Variants in DNAH5 observed in about 807,000 individuals in gnomAD.
DNAH5 encodes dynein axonemal heavy chain 5.
Under a neutral mutation model 518.2 loss-of-function variants are expected in DNAH5, and 372 were observed. The ratio of observed to expected loss-of-function variants is 0.72; its 90% CI spans 0.66 to 0.78. DNAH5 has a LOEUF of 0.78. DNAH5 is among the 30% of genes least tolerant of loss of function. The pLI is 0.00. For synonymous variants in DNAH5, 2,039 were observed against 2,025.9 expected, an observed-to-expected ratio of 1.01 and a Z score of -0.17; for missense variants, 5,523 against 5,687.0, an observed-to-expected ratio of 0.97 and a Z score of 0.93.
rs1361727104 is a variant in DNAH5, at chr5:13,824,247, C to G, written c.6531G>C (p.Glu2177Asp). ...GTAGTACACGCATGACAATCGTGGA[C>G]TCCGTATCCATTGGATTGGCTCTTT... ...AAKRANPMDTESTIVMRVLRD... is the reference protein window; with the variant it reads ...AAKRANPMDTDSTIVMRVLRD... The change falls in exon 39 of 79, where the codon GAG (glutamate) becomes GAC (aspartate). Residue 2177 changes from glutamate (E) to aspartate (D), a missense_variant. Physicochemically the swap from Glu to Asp is conservative, Grantham distance 45. Transcript: ENST00000265104. The G allele has an allele frequency of 4.3e-6, 7 of 1,614,084 alleles. No homozygotes were observed. The highest frequency in any genetic ancestry group is 5.9e-6 in the Non-Finnish European group (7 of 1,179,982).
Position 13,791,933 on chromosome 5 carries a change from A to C in DNAH5, c.8448+61T>G, listed in dbSNP as rs865885190. Reference sequence around the variant, plus strand: ...TCAAGTAAAAAATAAATCAATAAAAATATTTAGAATATATCATTAATAGCA... The same window carrying C: ...TCAAGTAAAAAATAAATCAATAAAACTATTTAGAATATATCATTAATAGCA... On this transcript the variant is annotated intron_variant, in intron 50 of 78. Coordinates refer to ENST00000265104, the MANE Select transcript of DNAH5 (RefSeq NM_001369.3). 2.9e-6 allele frequency: 4 copies of C among 1,370,138 alleles called. No homozygotes were observed. In the South Asian group the frequency reaches 5.2e-5, roughly 18 times the overall value. 84.9% of individuals were successfully genotyped at this position (1,370,138 alleles called of 1,614,324 possible). A position where few individuals can be genotyped will look rare whatever the true frequency, so the allele number is the denominator to read the frequency against.
At chr5:13,963,006 C>T (rs1305850507) in intron 1 of DNAH5, among the ~76,000 whole-genome samples, 3 of 152,116 alleles carry the variant, frequency 2.0e-5, no homozygotes, top group African/African-American at 7.2e-5. Flanking sequence ...GGAGCATCTC[C>T]CTGCCCAAGT....
At chr5:13,824,875 C>A (rs1050230646) in intron 38 of DNAH5, among the ~76,000 whole-genome samples, 1 of 152,114 alleles carries the variant, frequency 6.6e-6, no homozygotes. Context: ...CTTTGTCATT[C>A]CCTTACTAAA....
chr5:13,955,049 C>T (rs1222231555), intron 1 of DNAH5, among the ~76,000 whole-genome samples: 6 of 152,220 alleles, frequency 3.9e-5, no homozygotes, highest in African/African-American at 1.4e-4. Flanking sequence ...ACCCAAATCT[C>T]ATGTGGAACT....
chr5:13,857,782 A>G (rs1262593112), intron 30 of DNAH5, among the ~76,000 whole-genome samples: 2 of 152,198 alleles, frequency 1.3e-5, no homozygotes, highest in Non-Finnish European at 1.5e-5. Context: ...TATTTATTAA[A>G]TGATGTTGGG....
chr5:13,777,147 T>G, intron 54 of DNAH5, 55 bp downstream of exon 54: 1 of 1,550,492 alleles, frequency 6.4e-7, no homozygotes, highest in Non-Finnish European at 8.9e-7. Flanking sequence ...TGTAGAGCTC[T>G]AAGCTGGAGG....
In DNAH5 at chr5:13,811,825, T is replaced by C; in HGVS notation, c.7231-2A>G. On this transcript the variant is annotated splice_acceptor_variant, in intron 43 of 78. Transcript: ENST00000265104. LOFTEE classifies it high-confidence loss of function. Reference sequence around the variant, plus strand: ...AGGTGAGCGTTTCTTAAGAAAACCCTGTCAGTTCACAGACAAGTGTATTCA... The same window carrying C: ...AGGTGAGCGTTTCTTAAGAAAACCCCGTCAGTTCACAGACAAGTGTATTCA... The C allele has an allele frequency of 1.2e-6, 2 of 1,614,104 alleles. No individual in the cohort carries two copies. Among genetic ancestry groups the C allele is most frequent in the South Asian group, 1.1e-5 (1 of 91,072 alleles).
intron 37 of DNAH5, 30 bp from the exon 38 acceptor site, chr5:13,829,734 T>A: frequency 6.3e-7 from 1 of 1,592,276 alleles, no homozygotes; most frequent in Non-Finnish European, 8.6e-7. Context: ...CAAGGATGAA[T>A]GATGCAATCA....
chr5:13,720,861 T>TAA (rs59211873), intron 71 of DNAH5, 139 bp downstream of exon 71: 13,130 of 1,073,056 alleles, frequency 0.012, 43 homozygotes, highest in East Asian at 0.056. Flanking sequence ...AGCTTAAATT[T>TAA]AAAAAAAAAA....
intron 60 of DNAH5, among the ~76,000 whole-genome samples, chr5:13,761,093 C>T (rs1751708794): frequency 6.6e-6 from 1 of 152,212 alleles, no homozygotes; most frequent in Non-Finnish European, 1.5e-5. Context: ...ATAGTGTTCC[C>T]TTCACTTCCT....
chr5:13,750,975 A>G, intron 65 of DNAH5, 103 bp downstream of exon 65: 1 of 1,292,350 alleles, frequency 7.7e-7, no homozygotes, highest in Non-Finnish European at 1.1e-6. Context: ...AGGGAATAAA[A>G]GGAGAGAAAC....
intron 1 of DNAH5, among the ~76,000 whole-genome samples, chr5:13,962,588 C>G (rs339434): frequency 0.85 from 129,398 of 152,230 alleles, 55,256 homozygotes; most frequent in East Asian, 1. Flanking sequence ...GAGCTTAACT[C>G]CAAATACAGC....
intron 31 of DNAH5, among the ~76,000 whole-genome samples, chr5:13,846,860 T>C (rs2096725917): frequency 6.6e-6 from 1 of 152,212 alleles, no homozygotes; most frequent in Non-Finnish European, 1.5e-5. Flanking sequence ...TACTTAAATG[T>C]TTATAATGTT....
intron 30 of DNAH5, among the ~76,000 whole-genome samples, chr5:13,858,552 G>A (rs1425856573): frequency 1.1e-5 from 1 of 92,566 alleles, no homozygotes; most frequent in Non-Finnish European, 2.1e-5. Context: ...ATGTATCCCA[G>A]AACTTAAATA....
At chr5:13,979,989 A>C (rs1782560319) in intron 1 of DNAH5, among the ~76,000 whole-genome samples, 1 of 151,550 alleles carries the variant, frequency 6.6e-6, no homozygotes, top group Non-Finnish European at 1.5e-5. Flanking sequence ...ACAGGCATCC[A>C]CCACCACACC....
Position 13,960,771 on chromosome 5 carries a change from G to A in DNAH5, c.13-29527C>T, listed in dbSNP as rs572935633. Among the ~76,000 whole-genome samples, 3 of 152,216 alleles carry A rather than the reference G, an allele frequency of 2.0e-5. No homozygotes were observed. In the South Asian group the frequency reaches 6.2e-4, roughly 32 times the overall value. On this transcript the variant is annotated intron_variant, in intron 1 of 78. Coordinates refer to the DNAH5 transcript ENST00000681290. Reference sequence around the variant, plus strand: ...CTCCTCCCACACCCACCCTCTCCCCGTGGCTACTCCACACGCACCATGCCT... The same window carrying A: ...CTCCTCCCACACCCACCCTCTCCCCATGGCTACTCCACACGCACCATGCCT...
chr5:13,988,220 A>G lies in DNAH5; in HGVS notation c.12+23428T>C, dbSNP rs375975767. On this transcript the variant is annotated intron_variant, in intron 1 of 78. Coordinates refer to the DNAH5 transcript ENST00000681290. ...CATAGATAAAATAAAAGTGGAATGA[A>G]TGTAAATCGTAGAGAGTTGTTTAAG... is the stretch of plus-strand genomic sequence containing the variant. Among the ~76,000 whole-genome samples, 9 of 152,188 alleles carry G rather than the reference A, an allele frequency of 5.9e-5. No homozygotes were observed. The East Asian group carries it at 1.3e-3, about 23-fold the overall frequency.
At position 13,942,814 on chromosome 5, in the gene DNAH5, T is replaced by G. The variant is rs1466531016; in HGVS notation, c.57+1568A>C. Among the ~76,000 whole-genome samples, 3 of 152,194 alleles carry G rather than the reference T, an allele frequency of 2.0e-5. No individual in the cohort carries two copies. The East Asian group carries it at 5.8e-4, about 29-fold the overall frequency. ...CACTTGGCCATGCCATATTCACAGTTGAGCCCAATCTCTCCCATCACTCCC... is the reference window on the plus strand; with the variant it reads ...CACTTGGCCATGCCATATTCACAGTGGAGCCCAATCTCTCCCATCACTCCC... On this transcript the variant is annotated intron_variant, in intron 1 of 78. Coordinates refer to ENST00000265104, the MANE Select transcript of DNAH5 (RefSeq NM_001369.3).
intron 65 of DNAH5, among the ~76,000 whole-genome samples, chr5:13,738,170 C>G (rs569790230): frequency 6.6e-6 from 1 of 151,374 alleles, no homozygotes; most frequent in East Asian, 1.9e-4. Flanking sequence ...AAAAATACTA[C>G]CAGCATCCCT....
Sources: gnomAD v4.1 joint callset for allele counts (sites outside exome capture counted in the v4.1 genomes callset) on GRCh38, gnomAD v4.1.1 for gene constraint, MANE v1.5 for transcripts, NCBI Gene and HGNC (gene_info 2026-07-23, HGNC 2026-07-21) for gene names.